Variants in PRSS23 observed in about 807,000 individuals in gnomAD.
The protein encoded by PRSS23 is protease, serine 23.
In PRSS23, 25 loss-of-function variants were observed where a neutral mutation model predicts 34.7. The ratio of observed to expected loss-of-function variants is 0.72; its 90% confidence interval spans 0.53 to 1.01. The LOEUF is 1.01. Among genes scored for constraint, PRSS23 ranks in the 50% least tolerant of loss-of-function variants. The probability of loss-of-function intolerance (pLI) is 0.00; values close to 1 mark genes in which losing one functional copy is unlikely to be tolerated. For synonymous variants in PRSS23, 176 were observed against 186.6 expected (o/e 0.94, Z 0.46); for missense variants, 445 against 475.6 (o/e 0.94, Z 0.60).
chr11:86,949,478 T>C (rs1949271763), intron 2 of PRSS23: 1 of 151,984 alleles, frequency 6.6e-6, no homozygotes, highest in Non-Finnish European at 1.5e-5. Context: ...ATAAATGTCA[T>C]TGCAAAGCAG....
chr11:86,879,032 G>A (rs1273352946), intron 2 of PRSS23, among the ~76,000 whole-genome samples: 3 of 136,214 alleles, frequency 2.2e-5, no homozygotes, highest in Admixed American at 7.3e-5. Context: ...GTCTCTGCCC[G>A]GCAGCCATCC....
intron 2 of PRSS23, among the ~76,000 whole-genome samples, chr11:86,890,066 G>A (rs768283236): frequency 2.6e-5 from 4 of 152,006 alleles, no homozygotes; most frequent in Non-Finnish European, 4.4e-5. Context: ...TCAGGAGTTC[G>A]AGACCAGCCT....
At chr11:86,891,809 C>T (rs563150057) in intron 2 of PRSS23, among the ~76,000 whole-genome samples, 14 of 152,098 alleles carry the variant, frequency 9.2e-5, no homozygotes, top group Non-Finnish European at 1.9e-4. Context: ...CTCACGAGAT[C>T]TGATGGTTTT....
intron 2 of PRSS23, among the ~76,000 whole-genome samples, chr11:86,843,219 T>C (rs538279610): frequency 2.0e-5 from 3 of 152,352 alleles, no homozygotes; most frequent in African/African-American, 7.2e-5. Context: ...GTTAGCCATA[T>C]GTAGAAAGCT....
intron 2 of PRSS23, among the ~76,000 whole-genome samples, chr11:86,859,865 T>C (rs1028707567): frequency 6.6e-6 from 1 of 151,942 alleles, no homozygotes; most frequent in Admixed American, 6.6e-5. Context: ...ATATTGTTTC[T>C]AATATCCATG....
At chr11:86,825,318 G>C (rs1486167007) in intron 2 of PRSS23, among the ~76,000 whole-genome samples, 1 of 152,046 alleles carries the variant, frequency 6.6e-6, no homozygotes, top group Non-Finnish European at 1.5e-5. Context: ...CCCACTTTTT[G>C]ATGGGGTTGT....
Position 86,901,110 on chromosome 11 carries a change from TC to T in PRSS23, c.207-50103del, listed in dbSNP as rs1948909332. ...TATCATCTCTTTCTTAAAGAGGTCT[TC>T]CCTGTCTCCCAATCCAAATTAGGCC... On this transcript the variant is annotated intron_variant, in intron 2 of 2. Transcript: ENST00000533902. Among the ~76,000 whole-genome samples, 4 of 152,132 alleles carry T rather than the reference TC, an allele frequency of 2.6e-5. No individual in the cohort carries two copies. In the South Asian group the frequency reaches 8.3e-4, roughly 32 times the overall value.
chr11:86,861,242 G>A (rs1305011816), intron 2 of PRSS23, among the ~76,000 whole-genome samples: 1 of 139,390 alleles, frequency 7.2e-6, no homozygotes, highest in Non-Finnish European at 1.6e-5. Context: ...GGAGAGGGGG[G>A]CGATATTACT....
intron 2 of PRSS23, among the ~76,000 whole-genome samples, chr11:86,889,156 A>G (rs1948824477): frequency 6.6e-6 from 1 of 152,198 alleles, no homozygotes; most frequent in African/African-American, 2.4e-5. Context: ...GGTTACTCAA[A>G]CAAACCTGGT....
intron 2 of PRSS23, among the ~76,000 whole-genome samples, chr11:86,897,072 G>A (rs573851240): frequency 6.6e-6 from 1 of 152,268 alleles, no homozygotes; most frequent in South Asian, 2.1e-4. Context: ...ATAAATATTG[G>A]TTCATTTGGA....
At chr11:86,900,752 T>C (rs1948905890) in intron 2 of PRSS23, among the ~76,000 whole-genome samples, 1 of 150,996 alleles carries the variant, frequency 6.6e-6, no homozygotes, top group Non-Finnish European at 1.5e-5. Flanking sequence ...TACCCACTCC[T>C]TCAAATTTCA....
intron 2 of PRSS23, among the ~76,000 whole-genome samples, chr11:86,891,758 G>A (rs1439327591): frequency 1.3e-5 from 2 of 152,038 alleles, no homozygotes; most frequent in Admixed American, 6.6e-5. Flanking sequence ...GAATCATGGG[G>A]GCAGTTTCCC....
intron 2 of PRSS23, among the ~76,000 whole-genome samples, chr11:86,898,600 T>G (rs1398626841): frequency 6.6e-6 from 1 of 152,240 alleles, no homozygotes; most frequent in Non-Finnish European, 1.5e-5. Context: ...TTCTCTGCTG[T>G]TGTTCCTTCA....
At chr11:86,852,428 T>C (rs936201272) in intron 2 of PRSS23, among the ~76,000 whole-genome samples, 3 of 152,210 alleles carry the variant, frequency 2.0e-5, no homozygotes, top group African/African-American at 7.2e-5. Flanking sequence ...TAGTGTCCAT[T>C]GAAGCTTTGG....
intron 2 of PRSS23, among the ~76,000 whole-genome samples, chr11:86,839,667 G>A (rs1948432780): frequency 6.6e-6 from 1 of 151,924 alleles, no homozygotes; most frequent in African/African-American, 2.4e-5. Flanking sequence ...CACCAAGGTT[G>A]AAATGAAGGA....
chr11:86,811,796 G>A (rs559108492), downstream of PRSS23, among the ~76,000 whole-genome samples: 1 of 152,156 alleles, frequency 6.6e-6, no homozygotes, highest in East Asian at 1.9e-4. Context: ...CTTTAATGCA[G>A]AACTTGTTAA....
chr11:86,876,751 A>G (rs570988654), intron 2 of PRSS23, among the ~76,000 whole-genome samples: 39 of 152,234 alleles, frequency 2.6e-4, no homozygotes, highest in African/African-American at 9.2e-4. Context: ...AAACGAAGCA[A>G]TTTGATTCAT....
At chr11:86,833,032 C>A in intron 2 of PRSS23, 2 of 458,358 alleles carry the variant, frequency 4.4e-6, no homozygotes, top group African/African-American at 2.0e-5. Flanking sequence ...ACTAGGAAGC[C>A]ACAGAAACAT....
intron 2 of PRSS23, among the ~76,000 whole-genome samples, chr11:86,929,488 C>A (rs187549155): frequency 1.5e-3 from 222 of 151,880 alleles, no homozygotes; most frequent in Non-Finnish European, 2.3e-3. Context: ...ACTAAAAATA[C>A]AAAAATTAAC....
Sources: gnomAD v4.1 joint callset for allele counts (sites outside exome capture counted in the v4.1 genomes callset) on GRCh38, gnomAD v4.1.1 for gene constraint, MANE v1.5 for transcripts, NCBI Gene and HGNC (gene_info 2026-07-23, HGNC 2026-07-21) for gene names.